ZNF618: variants seen among roughly 807,000 people sequenced by gnomAD.
The protein encoded by ZNF618 is neural precursor cell expressed, developmentally down-regulated 10.
ZNF618 carries 34 observed loss-of-function variants against 103.0 expected under a neutral mutation model. The observed-to-expected ratio is 0.33, with a 90% CI of 0.25 to 0.44. ZNF618 has a LOEUF of 0.44. ZNF618 is among the 20% of genes least tolerant of loss of function. The probability of loss-of-function intolerance (pLI) is 1.00; values close to 1 mark genes in which losing one functional copy is unlikely to be tolerated. For missense variants in ZNF618, 1,059 were observed against 1,295.4 expected, an observed-to-expected ratio of 0.82 and a Z score of 2.80; for synonymous variants, 551 against 542.2, an observed-to-expected ratio of 1.02 and a Z score of -0.23.
intron 1 of ZNF618, among the ~76,000 whole-genome samples, chr9:113,966,576 C>T (rs1045881568): frequency 2.6e-5 from 4 of 152,226 alleles, no homozygotes; most frequent in African/African-American, 7.2e-5. Context: ...GTATGGAACT[C>T]CACCCTGGGA....
At chr9:113,995,085 C>A (rs976111197) in intron 3 of ZNF618, among the ~76,000 whole-genome samples, 5 of 152,110 alleles carry the variant, frequency 3.3e-5, no homozygotes, top group Non-Finnish European at 7.3e-5. Flanking sequence ...AATTTTACAT[C>A]TTTCCTTTTT....
intron 1 of ZNF618, among the ~76,000 whole-genome samples, chr9:113,930,447 G>A (rs774711229): frequency 1.3e-5 from 2 of 152,100 alleles, no homozygotes; most frequent in Non-Finnish European, 2.9e-5. Flanking sequence ...GGTTTAGGGG[G>A]CGCCTATTTT....
chr9:113,976,494 C>A (rs1838480957), intron 2 of ZNF618, among the ~76,000 whole-genome samples: 2 of 152,156 alleles, frequency 1.3e-5, no homozygotes, highest in South Asian at 2.1e-4. Context: ...GCTCTGCTGA[C>A]AAAAGAGAAC....
intron 13 of ZNF618, among the ~76,000 whole-genome samples, chr9:114,040,414 G>A (rs562048728): frequency 3.3e-5 from 5 of 150,896 alleles, no homozygotes; most frequent in Non-Finnish European, 7.4e-5. Context: ...ATGTATACAT[G>A]TGCCAGGTTG....
intron 1 of ZNF618, among the ~76,000 whole-genome samples, chr9:113,924,144 G>C (rs1325915333): frequency 6.6e-6 from 1 of 151,932 alleles, no homozygotes; most frequent in Non-Finnish European, 1.5e-5. Context: ...CTTGGACTTA[G>C]GGCTTTCTTT....
At chr9:113,890,763 A>G (rs141256406) in intron 1 of ZNF618, among the ~76,000 whole-genome samples, 1 of 152,308 alleles carries the variant, frequency 6.6e-6, no homozygotes, top group African/African-American at 2.4e-5. Flanking sequence ...CATCCTGGCC[A>G]TCACCTTGTG....
chr9:114,022,256 G>T (rs569561182), intron 10 of ZNF618, among the ~76,000 whole-genome samples: 5 of 151,904 alleles, frequency 3.3e-5, no homozygotes, highest in African/African-American at 1.2e-4. Context: ...GTCTCGTTGG[G>T]TATCAGAGTA....
At position 114,054,069 on chromosome 9, in the gene ZNF618, C is replaced by G. The variant is rs1026657250; in HGVS notation, c.*3902C>G. 4 of 152,590 alleles carry G rather than the reference C, an allele frequency of 2.6e-5. No homozygotes were observed. Among genetic ancestry groups the G allele is most frequent in the African/African-American group, 9.7e-5 (4 of 41,448 alleles). 9.5% of individuals were successfully genotyped at this position (152,590 alleles called of 1,614,324 possible). Reference sequence around the variant, plus strand: ...GCAGGCTGGGAAGAGACATCTCTTTCAGTTTGACCCTTTATCTCCTGCACT... The same window carrying G: ...GCAGGCTGGGAAGAGACATCTCTTTGAGTTTGACCCTTTATCTCCTGCACT... On this transcript the variant is annotated 3_prime_UTR_variant, in exon 15 of 15. Coordinates refer to ENST00000374126, the MANE Select transcript of ZNF618 (RefSeq NM_001318042.2).
At chr9:113,925,953 C>G (rs1833048918) in intron 1 of ZNF618, among the ~76,000 whole-genome samples, 1 of 152,074 alleles carries the variant, frequency 6.6e-6, no homozygotes, top group South Asian at 2.1e-4. Context: ...CTTATTTATT[C>G]CTTCTTTAAC....
At chr9:113,896,800 C>G (rs1564141661) in intron 1 of ZNF618, among the ~76,000 whole-genome samples, 1 of 152,038 alleles carries the variant, frequency 6.6e-6, no homozygotes, top group East Asian at 1.9e-4. Context: ...GGTCATTTAA[C>G]AGAAGTATAC....
At chr9:113,998,177 G>A (rs1373135621) in intron 3 of ZNF618, 82 bp from the exon 4 acceptor site, 2 of 1,293,002 alleles carry the variant, frequency 1.5e-6, no homozygotes, top group Non-Finnish European at 2.2e-6. Context: ...GCTTCTCAAA[G>A]TGCAGCCAAC....
intron 1 of ZNF618, among the ~76,000 whole-genome samples, chr9:113,950,014 A>C (rs570479792): frequency 6.6e-6 from 1 of 151,482 alleles, no homozygotes; most frequent in East Asian, 1.9e-4. Flanking sequence ...CTTCCATTAA[A>C]CCCCCGTAGA....
intron 10 of ZNF618, among the ~76,000 whole-genome samples, chr9:114,019,798 C>A (rs982733298): frequency 6.6e-6 from 1 of 152,118 alleles, no homozygotes; most frequent in Non-Finnish European, 1.5e-5. Flanking sequence ...TCTGGCATGC[C>A]AGTTGATTTT....
chr9:113,924,530 C>T (rs1410296513), intron 1 of ZNF618, among the ~76,000 whole-genome samples: 2 of 147,372 alleles, frequency 1.4e-5, no homozygotes, highest in African/African-American at 5.0e-5. Context: ...CTACTCATTT[C>T]CTGTTTTAAA....
At chr9:114,047,191 A>G (rs1845724065) in intron 13 of ZNF618, among the ~76,000 whole-genome samples, 2 of 152,232 alleles carry the variant, frequency 1.3e-5, no homozygotes, top group South Asian at 4.1e-4. Flanking sequence ...ACTGGATACC[A>G]CTGCATATGT....
chr9:114,049,113 C>T lies in ZNF618; in HGVS notation c.1811C>T (p.Ser604Leu). The T allele has an allele frequency of 6.2e-7, 1 of 1,613,836 alleles. No individual in the cohort carries two copies. The highest frequency in any genetic ancestry group is 8.5e-7 in the Non-Finnish European group (1 of 1,179,900). Reference protein sequence around the residue: ...LVHHWVQNVLSEFVMSEIRTV... With the variant: ...LVHHWVQNVLLEFVMSEIRTV... ...CACCACTGGGTGCAGAACGTGCTGT[C>T]GGAGTTCGTGATGTCGGAGATCAGG... Residue 604 changes from serine to leucine, a missense_variant, in exon 15 of 15, where the codon TCG (serine) becomes TTG (leucine). By Grantham distance (145) the Ser-to-Leu change is moderately radical. Around this residue, in one of 6 missense-constraint regions of ZNF618, gnomAD observed 272 missense variants for 380.1 expected, o/e 0.72. Coordinates refer to ENST00000374126, the MANE Select transcript of ZNF618 (RefSeq NM_001318042.2).
At chr9:113,983,355 A>C (rs1359082676) in intron 2 of ZNF618, among the ~76,000 whole-genome samples, 1 of 152,226 alleles carries the variant, frequency 6.6e-6, no homozygotes, top group African/African-American at 2.4e-5. Flanking sequence ...TGAGAAAAGC[A>C]ACATTTGGGT....
intron 1 of ZNF618, among the ~76,000 whole-genome samples, chr9:113,907,628 C>A (rs1407475074): frequency 6.6e-6 from 1 of 152,206 alleles, no homozygotes. Context: ...AGTAGGCAAG[C>A]GCTTTCCAGA....
chr9:113,897,729 C>T (rs1171396584), intron 1 of ZNF618, among the ~76,000 whole-genome samples: 4 of 152,094 alleles, frequency 2.6e-5, no homozygotes, highest in Non-Finnish European at 5.9e-5. Context: ...ATCACTTACT[C>T]GGTTTTCTGC....
Sources: allele counts gnomAD v4.1 joint callset (sites outside exome capture counted in the v4.1 genomes callset), GRCh38; gene constraint gnomAD v4.1.1; regional missense constraint gnomAD v4.1.1; transcripts MANE v1.5; gene names NCBI Gene and HGNC (gene_info 2026-07-23, HGNC 2026-07-21).